Variants in LSP1 observed in about 807,000 individuals in gnomAD.
LSP1 encodes lymphocyte specific protein 1.
Under a neutral mutation model 49.3 loss-of-function variants are expected in LSP1, and 32 were observed. The observed-to-expected ratio is 0.65, with a 90% CI of 0.49 to 0.87. The LOEUF (loss-of-function observed/expected upper bound fraction) is 0.87, where lower values mean the gene tolerates loss of function less well. Ranked by LOEUF, LSP1 falls within the 40% of genes least tolerant of loss-of-function variation. The pLI is 0.00. For synonymous variants in LSP1, 179 were observed against 178.8 expected (o/e 1.00, Z -0.01); for missense variants, 428 against 442.6 (o/e 0.97, Z 0.30).
In LSP1 at chr11:1,884,839, C is replaced by A. The variant is rs770729751; in HGVS notation, c.717+258C>A. Among the ~76,000 whole-genome samples the A allele has an allele frequency of 9.9e-5, 15 of 151,954 alleles. No individual in the cohort carries two copies. Among genetic ancestry groups the A allele is most frequent in the Non-Finnish European group, 1.6e-4 (11 of 67,960 alleles). On this transcript the variant is annotated intron_variant, in intron 7 of 10. Transcript: ENST00000311604. The surrounding 1 kb of genome is among the most constrained non-coding windows in gnomAD (Gnocchi z 4.1). ...CCAATAATCTCCCATCCTATCAATG[C>A]TTCTGCATCCAATTAATGTTCCTTT...
intron 1 of LSP1, among the ~76,000 whole-genome samples, chr11:1,856,314 C>A (rs1394336674): frequency 6.6e-6 from 1 of 152,212 alleles, no homozygotes; most frequent in East Asian, 1.9e-4. Flanking sequence ...GCCAGGCCCT[C>A]CTGGCCTGGT....
At chr11:1,864,156 G>C in intron 1 of LSP1, 2 of 985,370 alleles carry the variant, frequency 2.0e-6, no homozygotes, top group Non-Finnish European at 2.4e-6. Context: ...GGAGAGAGGA[G>C]AGAGGGGCTG....
At chr11:1,869,764 G>A (rs1847917906) in intron 1 of LSP1, 1 of 466,082 alleles carries the variant, frequency 2.1e-6, no homozygotes, top group East Asian at 7.1e-5. Context: ...GAGAGGGCGG[G>A]CGAGGAAAAT....
intron 1 of LSP1, among the ~76,000 whole-genome samples, chr11:1,874,466 C>T (rs1457811389): frequency 6.6e-6 from 1 of 152,150 alleles, no homozygotes; most frequent in African/African-American, 2.4e-5. Context: ...GTGGCTGAGA[C>T]TCAGGGCTGT....
chr11:1,883,988 C>A lies in LSP1; in HGVS notation c.555C>A (p.Ile185=). The A allele has an allele frequency of 2.5e-6, 4 of 1,612,468 alleles. No homozygotes were observed. ...TPSPLVLEGT[I]EQSSPPLSPT... ...GCCCCTTGGTCTTGGAGGGGACCAT[C>A]GAACAGAGCTCGCCTCCCCTGAGCC... Residue 185 remains isoleucine, a synonymous_variant, in exon 5 of 11, where the codon ATC becomes ATA. Transcript: ENST00000311604.
chr11:1,879,906 G>A (rs756042941), intron 1 of LSP1, 181 bp from the exon 2 acceptor site: 8 of 634,878 alleles, frequency 1.3e-5, no homozygotes, highest in Middle Eastern at 3.9e-4. Context: ...TCATGACCAC[G>A]TGGGCAGCCT....
At chr11:1,874,728 G>T (rs1248041047) in intron 1 of LSP1, among the ~76,000 whole-genome samples, 2 of 152,152 alleles carry the variant, frequency 1.3e-5, no homozygotes, top group South Asian at 4.1e-4. Context: ...AGTGAGAACC[G>T]GCAGGGGAGG....
At chr11:1,866,938 T>C (rs1180225476) in intron 1 of LSP1, 31 of 1,480,220 alleles carry the variant, frequency 2.1e-5, no homozygotes, top group Non-Finnish European at 2.8e-5. Context: ...CAGGAGGCAC[T>C]GAAACCGTGT....
At chr11:1,883,804 T>G in intron 4 of LSP1, 128 bp from the exon 5 acceptor site, 2 of 974,760 alleles carry the variant, frequency 2.1e-6, no homozygotes, top group Non-Finnish European at 1.5e-6. Flanking sequence ...GCTCCAGAAC[T>G]GGAGCACGTC....
chr11:1,870,714 G>T, intron 1 of LSP1: 9 of 1,016,200 alleles, frequency 8.9e-6, no homozygotes, highest in Non-Finnish European at 1.1e-5. Flanking sequence ...TGGAGGATGG[G>T]AGCGCTTCGG....
At chr11:1,872,787 C>T (rs1848099386) in intron 1 of LSP1, among the ~76,000 whole-genome samples, 1 of 151,982 alleles carries the variant, frequency 6.6e-6, no homozygotes, top group Admixed American at 6.6e-5. Context: ...GTGTGGCGGG[C>T]ATGCCTGGGC....
intron 10 of LSP1, chr11:1,890,840 C>T: frequency 1.8e-6 from 1 of 543,396 alleles, no homozygotes; most frequent in Non-Finnish European, 3.3e-6. Flanking sequence ...AGGGATGGGG[C>T]TAGAACCTGC....
At chr11:1,886,333 T>C (rs1384975913) in intron 7 of LSP1, among the ~76,000 whole-genome samples, 4 of 151,876 alleles carry the variant, frequency 2.6e-5, no homozygotes, top group Non-Finnish European at 5.9e-5. Context: ...TTCCTTCATC[T>C]ATCAACACCT....
At chr11:1,863,194 C>G (rs1278821265) in intron 1 of LSP1, 2 of 152,374 alleles carry the variant, frequency 1.3e-5, no homozygotes, top group Non-Finnish European at 2.9e-5. Flanking sequence ...CTGTTGCCGC[C>G]ACCCCCGGCG....
intron 1 of LSP1, among the ~76,000 whole-genome samples, chr11:1,873,693 C>A (rs533014365): frequency 6.6e-6 from 1 of 151,706 alleles, no homozygotes; most frequent in East Asian, 2.0e-4. Flanking sequence ...ATGGAAGAAT[C>A]ATGCCCTGGG....
chr11:1,855,120 G>A (rs1565067916), intron 1 of LSP1, among the ~76,000 whole-genome samples: 1 of 152,294 alleles, frequency 6.6e-6, no homozygotes, highest in East Asian at 1.9e-4. Flanking sequence ...CTGCCCCCGC[G>A]AATTGCATGG....
At chr11:1,854,944 G>T (rs529544584) in intron 1 of LSP1, among the ~76,000 whole-genome samples, 16 of 152,270 alleles carry the variant, frequency 1.1e-4, no homozygotes, top group African/African-American at 2.9e-4. Context: ...GAGCGGGGAG[G>T]GGGGGTTGGA....
At chr11:1,887,885 G>A (rs1200682551) in intron 10 of LSP1, among the ~76,000 whole-genome samples, 7 of 152,170 alleles carry the variant, frequency 4.6e-5, no homozygotes, top group South Asian at 2.1e-4. Context: ...AGGGAAGTGA[G>A]GGGCAGCCTG....
intron 1 of LSP1, chr11:1,866,762 C>T (rs1208571311): frequency 6.4e-7 from 1 of 1,550,496 alleles, no homozygotes. Flanking sequence ...CTCACCAGTG[C>T]TACTTAACAA....
Sources: gnomAD v4.1 joint callset for allele counts (sites outside exome capture counted in the v4.1 genomes callset) on GRCh38, gnomAD v4.1.1 for gene constraint, Gnocchi (gnomAD v3.1) non-coding constraint, MANE v1.5 for transcripts, NCBI Gene and HGNC (gene_info 2026-07-23, HGNC 2026-07-21) for gene names.